The following CMPK1 variants were observed in gnomAD, a reference collection of about 807,000 sequenced individuals.
CMPK1 encodes the protein cytidine/uridine monophosphate kinase 1.
In CMPK1, 10 loss-of-function variants were observed where a neutral mutation model predicts 25.7. That is an observed-to-expected ratio of 0.39 (90% CI 0.24 to 0.66). The LOEUF (loss-of-function observed/expected upper bound fraction) is 0.66. CMPK1 is among the 30% of genes least tolerant of loss of function. The pLI, the probability that CMPK1 is intolerant of heterozygous loss-of-function variation, is 0.48. For missense variants in CMPK1, 199 were observed against 280.5 expected, an observed-to-expected ratio of 0.71 and a Z score of 2.08; for synonymous variants, 106 against 101.5, an observed-to-expected ratio of 1.04 and a Z score of -0.27.
At chr1:47,374,753 C>T (rs931807108) in intron 3 of CMPK1, among the ~76,000 whole-genome samples, 156 bp from the exon 4 acceptor site, 2 of 152,204 alleles carry the variant, frequency 1.3e-5, no homozygotes, top group African/African-American at 2.4e-5. Context: ...CACATGTTTA[C>T]GTTTAAAAGG....
At chr1:47,369,972 T>C (rs1234914722) in intron 2 of CMPK1, among the ~76,000 whole-genome samples, 3 of 144,708 alleles carry the variant, frequency 2.1e-5, no homozygotes, top group Non-Finnish European at 4.5e-5. Context: ...TGGAGTGCAG[T>C]GGCGTGAACT....
intron 1 of CMPK1, among the ~76,000 whole-genome samples, chr1:47,342,974 A>G (rs1570353132): frequency 1.1e-5 from 1 of 95,118 alleles, no homozygotes; most frequent in Non-Finnish European, 2.2e-5. Flanking sequence ...GAAATGGCAT[A>G]ATTAACCATT....
intron 1 of CMPK1, among the ~76,000 whole-genome samples, chr1:47,364,706 A>G (rs1238748343): frequency 6.7e-6 from 1 of 148,516 alleles, no homozygotes; most frequent in Non-Finnish European, 1.5e-5. Flanking sequence ...GTTATGATAT[A>G]AATTGTATAA....
At chr1:47,338,349 G>C (rs1261317450) in intron 1 of CMPK1, among the ~76,000 whole-genome samples, 1 of 152,180 alleles carries the variant, frequency 6.6e-6, no homozygotes, top group Non-Finnish European at 1.5e-5. Context: ...TCTGCAAATT[G>C]CTCCTGGAGA....
intron 1 of CMPK1, among the ~76,000 whole-genome samples, chr1:47,363,849 A>G (rs1459793620): frequency 6.6e-6 from 1 of 152,134 alleles, no homozygotes. Context: ...ACGTTGAGGC[A>G]GGAGAATCGC....
intron 1 of CMPK1, among the ~76,000 whole-genome samples, chr1:47,361,746 G>T (rs563119925): frequency 6.8e-6 from 1 of 146,478 alleles, no homozygotes; most frequent in East Asian, 2.0e-4. Context: ...ATAAAGGGAT[G>T]TCTATTTTGG....
intron 1 of CMPK1, among the ~76,000 whole-genome samples, chr1:47,353,271 G>A (rs949644108): frequency 1.3e-5 from 2 of 152,190 alleles, no homozygotes; most frequent in African/African-American, 4.8e-5. Context: ...TTTTGCTGCT[G>A]TACCTTATGG....
Position 47,377,766 on chromosome 1 carries a change from T to C in CMPK1, c.*1021T>C, listed in dbSNP as rs1012002699. 1.3e-5 allele frequency: 2 copies of C among 152,606 alleles called. No homozygotes were observed. The highest frequency in any genetic ancestry group is 6.5e-5 in the Admixed American group (1 of 15,272). 9.5% of individuals were successfully genotyped at this position (152,606 alleles called of 1,614,324 possible). Reference sequence around the variant, plus strand: ...ACTTTGGTCAGAAAAATAATAAATATATCTTATAAATGTTTGATTCCCTTC... The same window carrying C: ...ACTTTGGTCAGAAAAATAATAAATACATCTTATAAATGTTTGATTCCCTTC... On this transcript the variant is annotated 3_prime_UTR_variant, in exon 6 of 6. Coordinates refer to ENST00000371873, the MANE Select transcript of CMPK1 (RefSeq NM_016308.3).
Position 47,367,742 on chromosome 1 carries a change from T to C in CMPK1, c.172-727T>C, listed in dbSNP as rs551726937. 2.0e-4 allele frequency among the ~76,000 whole-genome samples: 31 copies of C among 152,260 alleles called. No homozygotes were observed. The South Asian group carries it at 6.2e-3, about 31-fold the overall frequency. On this transcript the variant is annotated intron_variant, in intron 1 of 5. Coordinates refer to ENST00000371873, the MANE Select transcript of CMPK1 (RefSeq NM_016308.3). ...ATAAAAAGGAACTTGCAAGTTTATG[T>C]GGAAGAAGAAGCTTTTCTTTTTGTT...
chr1:47,368,325 T>A (rs1429783310), intron 1 of CMPK1, 144 bp from the exon 2 acceptor site: 4 of 569,164 alleles, frequency 7.0e-6, no homozygotes, highest in African/African-American at 1.9e-5. Context: ...ATATCTTAAA[T>A]TTTTCTTTAT....
At chr1:47,352,558 G>T (rs2622925) in intron 1 of CMPK1, among the ~76,000 whole-genome samples, 2 of 151,792 alleles carry the variant, frequency 1.3e-5, no homozygotes, top group South Asian at 4.1e-4. Context: ...TTACTTCTTT[G>T]ACCAGTTCAA....
chr1:47,378,094 A>G lies in CMPK1; in HGVS notation c.*1349A>G, dbSNP rs1000460217. 1 of 152,204 alleles carries G rather than the reference A, an allele frequency of 6.6e-6. No individual in the cohort carries two copies. The highest frequency in any genetic ancestry group is 1.5e-5 in the Non-Finnish European group (1 of 68,040). 9.4% of individuals were successfully genotyped at this position (152,204 alleles called of 1,614,324 possible). ...TTTGTCTTTGTATAATAGATTTGATATTTAAAGTCACTGGAAATAGGACAA... is the reference window on the plus strand; with the variant it reads ...TTTGTCTTTGTATAATAGATTTGATGTTTAAAGTCACTGGAAATAGGACAA... On this transcript the variant is annotated 3_prime_UTR_variant, in exon 6 of 6. Coordinates refer to ENST00000371873, the MANE Select transcript of CMPK1 (RefSeq NM_016308.3).
chr1:47,343,175 T>G (rs1646454410), intron 1 of CMPK1, among the ~76,000 whole-genome samples: 1 of 151,284 alleles, frequency 6.6e-6, no homozygotes, highest in Non-Finnish European at 1.5e-5. Context: ...TTAGTAGAGA[T>G]GAGGTTTCAC....
intron 1 of CMPK1, among the ~76,000 whole-genome samples, chr1:47,340,415 G>A (rs12123269): frequency 0.27 from 41,152 of 151,680 alleles, 5,865 homozygotes; most frequent in Non-Finnish European, 0.32. Context: ...GGATTGCATC[G>A]TAAGCCAGCG....
chr1:47,355,608 C>T (rs904457756), intron 1 of CMPK1, among the ~76,000 whole-genome samples: 3 of 151,346 alleles, frequency 2.0e-5, no homozygotes, highest in South Asian at 2.1e-4. Flanking sequence ...CCATCATGCC[C>T]GGCCTTTTTT....
chr1:47,362,165 C>G (rs1186075991), intron 1 of CMPK1, among the ~76,000 whole-genome samples: 1 of 110,142 alleles, frequency 9.1e-6, no homozygotes, highest in African/African-American at 3.3e-5. Flanking sequence ...CCACAGCACC[C>G]GGCCTTTTTT....
Position 47,333,970 on chromosome 1 carries a change from CT to C in CMPK1, c.26del (p.Leu9ArgfsTer25), listed in dbSNP as rs1646375172. MLSRCRSG[L>X]LHVLGLSFLL... ...TATGCTGAGCCGCTGCCGCAGCGGG[CT>C]GCTCCACGTCCTGGGCCTTAGCTTC... On this transcript the variant is annotated frameshift_variant, in exon 1 of 6. Transcript: ENST00000371873. LOFTEE classifies it high-confidence loss of function. 1.3e-6 allele frequency: 2 copies of C among 1,504,192 alleles called. No individual in the cohort carries two copies. The highest frequency in any genetic ancestry group is 2.9e-5 in the African/African-American group (2 of 69,444). 93.2% of individuals were successfully genotyped at this position (1,504,192 alleles called of 1,614,324 possible).
At chr1:47,368,695 C>T (rs749831543) in intron 2 of CMPK1, 80 bp downstream of exon 2, 23 of 1,288,808 alleles carry the variant, frequency 1.8e-5, no homozygotes, top group Non-Finnish European at 2.4e-5. Flanking sequence ...GGCAGTTGCT[C>T]ATGCTTGTGA....
chr1:47,365,396 A>G (rs1406461193), intron 1 of CMPK1, among the ~76,000 whole-genome samples: 1 of 151,604 alleles, frequency 6.6e-6, no homozygotes, highest in East Asian at 1.9e-4. Flanking sequence ...CACTTTGAGA[A>G]GCTGAGGCAG....
Sources: gnomAD v4.1 joint callset for allele counts (sites outside exome capture counted in the v4.1 genomes callset) on GRCh38, gnomAD v4.1.1 for gene constraint, MANE v1.5 for transcripts, NCBI Gene and HGNC (gene_info 2026-07-23, HGNC 2026-07-21) for gene names.